Variants in COPA observed in about 807,000 individuals in gnomAD.
COPA encodes the protein coat protein complex I subunit alpha, also known as coatomer subunit alpha.
A neutral mutation model predicts 158.7 loss-of-function variants in COPA; 10 were observed. The ratio of observed to expected loss-of-function variants is 0.06; its 90% CI spans 0.04 to 0.11. The LOEUF is 0.11. Among genes scored for constraint, COPA ranks in the 10% least tolerant of loss-of-function variants. The pLI is 1.00. For missense variants in COPA, 1,065 were observed against 1,536.7 expected (o/e 0.69, Z 5.13); for synonymous variants, 462 against 542.8 (o/e 0.85, Z 2.07).
At chr1:160,300,189 AATT>A (rs1033466376) in intron 17 of COPA, among the ~76,000 whole-genome samples, 4 of 151,836 alleles carry the variant, frequency 2.6e-5, no homozygotes, top group African/African-American at 9.7e-5. Flanking sequence ...AAAATACAAA[AATT>A]AGCCAGGAGT....
At chr1:160,332,015 A>G (rs1222735713) in intron 6 of COPA, among the ~76,000 whole-genome samples, 5 of 152,154 alleles carry the variant, frequency 3.3e-5, no homozygotes, top group African/African-American at 1.2e-4. Flanking sequence ...TGCTCCCCGC[A>G]CTAGAAGAAA....
Position 160,313,981 on chromosome 1 carries a change from C to A in COPA, c.842+9G>T. The A allele has an allele frequency of 6.2e-7, 1 of 1,604,050 alleles. No homozygotes were observed. Among genetic ancestry groups the A allele is most frequent in the Non-Finnish European group, 8.5e-7 (1 of 1,175,572 alleles). ...GAGAAAGTTCACACAACACTGAGGA[C>A]TACCTTACCGCTTAGACATATCCCA... On this transcript the variant is annotated intron_variant, in intron 9 of 32. Coordinates refer to ENST00000241704, the MANE Select transcript of COPA (RefSeq NM_004371.4).
At chr1:160,291,534 C>G in intron 30 of COPA, 38 bp from the exon 31 acceptor site, 1 of 1,600,646 alleles carries the variant, frequency 6.2e-7, no homozygotes, top group Non-Finnish European at 8.5e-7. Context: ...CAGGTTGATG[C>G]TACACCTGGT....
intron 21 of COPA, among the ~76,000 whole-genome samples, chr1:160,296,498 A>G (rs541247978): frequency 6.6e-6 from 1 of 152,330 alleles, no homozygotes; most frequent in African/African-American, 2.4e-5. Flanking sequence ...AACAGGGAGC[A>G]AGGACATGGG....
At chr1:160,325,373 TCATTTCTCTGTTGGTTCACGCA>T (rs1009915727) in intron 7 of COPA, among the ~76,000 whole-genome samples, 148 bp downstream of exon 7, 1 of 152,208 alleles carries the variant, frequency 6.6e-6, no homozygotes, top group African/African-American at 2.4e-5. Flanking sequence ...CACATAAGCT[TCATTTCTCTGTTGGTTCACGCA>T]CAATTTGATT....
At chr1:160,334,872 C>G (rs1647690651) in intron 4 of COPA, among the ~76,000 whole-genome samples, 1 of 152,176 alleles carries the variant, frequency 6.6e-6, no homozygotes, top group Non-Finnish European at 1.5e-5. Flanking sequence ...GTTAGCTGAT[C>G]AAAATGGCAT....
chr1:160,311,055 T>C (rs1461964617), intron 11 of COPA, among the ~76,000 whole-genome samples: 1 of 152,174 alleles, frequency 6.6e-6, no homozygotes, highest in African/African-American at 2.4e-5. Flanking sequence ...GACCACTTCC[T>C]TGCCTCCCTC....
chr1:160,319,265 C>G (rs1400378748), intron 8 of COPA, among the ~76,000 whole-genome samples: 1 of 151,734 alleles, frequency 6.6e-6, no homozygotes, highest in Non-Finnish European at 1.5e-5. Flanking sequence ...GACTACCAAA[C>G]CTAAGATTGT....
Position 160,290,328 on chromosome 1 carries a change from A to G in COPA, c.3616-112T>C, listed in dbSNP as rs558169833. 2.9e-6 allele frequency: 4 copies of G among 1,402,740 alleles called. No homozygotes were observed. In the South Asian group the frequency reaches 3.8e-5, roughly 13 times the overall value. The allele number at this position is 1,402,740 out of a possible 1,614,324, so 86.9% of individuals were successfully genotyped here. A position where few individuals can be genotyped will look rare whatever the true frequency, so the allele number is the denominator to read the frequency against. On this transcript the variant is annotated intron_variant, in intron 32 of 32. Transcript: ENST00000241704. ...ACAGTAGACAGGTATTGGGGTGTTCATCACTGACTGGCCAAGAGCAGTGGG... is the reference window on the plus strand; with the variant it reads ...ACAGTAGACAGGTATTGGGGTGTTCGTCACTGACTGGCCAAGAGCAGTGGG...
chr1:160,343,017 C>A lies in COPA; in HGVS notation c.40+114G>T, dbSNP rs551468101. The A allele has an allele frequency of 8.0e-5, 102 of 1,274,586 alleles. No homozygotes were observed. The East Asian group carries it at 2.3e-3, about 29-fold the overall frequency. The allele number at this position is 1,274,586 out of a possible 1,614,324, so 79.0% of individuals were successfully genotyped here. A position where few individuals can be genotyped will look rare whatever the true frequency, so the allele number is the denominator to read the frequency against. ...CTCTCTCCCACCCTCCGTCTTCCTC[C>A]GGGTCCGTCTGGTGGGCCCATTTCG... On this transcript the variant is annotated intron_variant, in intron 1 of 32. Transcript: ENST00000241704.
At chr1:160,334,430 T>C (rs1359779100) in intron 4 of COPA, among the ~76,000 whole-genome samples, 7 of 152,328 alleles carry the variant, frequency 4.6e-5, no homozygotes, top group Admixed American at 2.6e-4. Flanking sequence ...CAGGAAGTCC[T>C]TTATGGCAAT....
intron 24 of COPA, 71 bp from the exon 25 acceptor site, chr1:160,294,664 A>G: frequency 2.5e-6 from 4 of 1,599,880 alleles, no homozygotes; most frequent in Non-Finnish European, 3.4e-6. Context: ...AGTAAAATCA[A>G]TCCTAGTTCG....
chr1:160,336,424 G>A (rs775731369), intron 3 of COPA, among the ~76,000 whole-genome samples: 1 of 151,912 alleles, frequency 6.6e-6, no homozygotes, highest in African/African-American at 2.4e-5. Context: ...CTAACTTGAT[G>A]GCAAACAACG....
intron 13 of COPA, 30 bp downstream of exon 13, chr1:160,309,071 C>G: frequency 6.4e-7 from 1 of 1,570,032 alleles, no homozygotes; most frequent in African/African-American, 1.4e-5. Context: ...GAGCTGGAAG[C>G]AGAGTGGGGT....
At position 160,291,507 on chromosome 1, in the gene COPA, G is replaced by C. The variant is rs751956210; in HGVS notation, c.3259-11C>G. The stretch of plus-strand genomic sequence containing the variant: ...GAAATAGGCTGCCATCTGGTGGACA[G>C]AAAAAGGAACACATGCCAGGTTGAT... On this transcript the variant is annotated splice_polypyrimidine_tract_variant and intron_variant, in intron 30 of 32. Transcript: ENST00000241704. 2.5e-6 allele frequency: 4 copies of C among 1,610,578 alleles called. No individual in the cohort carries two copies. The highest frequency in any genetic ancestry group is 3.4e-6 in the Non-Finnish European group (4 of 1,177,582).
chr1:160,311,478 G>A (rs546283823), intron 11 of COPA, among the ~76,000 whole-genome samples: 7 of 151,738 alleles, frequency 4.6e-5, no homozygotes, highest in South Asian at 4.2e-4. Context: ...GGCTGGGCGC[G>A]GTGGCTCACG....
chr1:160,317,381 C>A, intron 8 of COPA: 1 of 1,601,068 alleles, frequency 6.2e-7, no homozygotes, highest in Admixed American at 1.7e-5. Flanking sequence ...CGGAGACCCC[C>A]GGGTGAAGCC....
Position 160,291,595 on chromosome 1 carries a change from A to C in COPA, c.3259-99T>G, listed in dbSNP as rs974758547. 5.7e-6 allele frequency: 8 copies of C among 1,410,436 alleles called. No homozygotes were observed. The Admixed American group carries it at 1.6e-4, about 28-fold the overall frequency. 87.4% of individuals were successfully genotyped at this position (1,410,436 alleles called of 1,614,324 possible). A position where few individuals can be genotyped will look rare whatever the true frequency, so the allele number is the denominator to read the frequency against. On this transcript the variant is annotated intron_variant, in intron 30 of 32. Transcript: ENST00000241704. The stretch of plus-strand genomic sequence containing the variant: ...ATGCATAAAAAACACAACACAAAAT[A>C]GGATGATGGGCTATAAAGCTGAGAG...
Position 160,289,415 on chromosome 1 carries a change from T to C in COPA, c.*742A>G, listed in dbSNP as rs1658145044. On this transcript the variant is annotated 3_prime_UTR_variant, in exon 33 of 33. Coordinates refer to ENST00000241704, the MANE Select transcript of COPA (RefSeq NM_004371.4). ...CTGAGTACACAGAGGGTACCTGCCTTGAAATTTAAATGTCTAAGGAAAATG... is the reference window on the plus strand; with the variant it reads ...CTGAGTACACAGAGGGTACCTGCCTCGAAATTTAAATGTCTAAGGAAAATG... 1 of 152,140 alleles carries C rather than the reference T, an allele frequency of 6.6e-6. No homozygotes were observed. Among genetic ancestry groups the C allele is most frequent in the Non-Finnish European group, 1.5e-5 (1 of 68,042 alleles). The allele number at this position is 152,140 out of a possible 1,614,324, so 9.4% of individuals were successfully genotyped here. A position where few individuals can be genotyped will look rare whatever the true frequency, so the allele number is the denominator to read the frequency against.
Sources: allele counts gnomAD v4.1 joint callset (sites outside exome capture counted in the v4.1 genomes callset), GRCh38; gene constraint gnomAD v4.1.1; transcripts MANE v1.5; gene names NCBI Gene and HGNC (gene_info 2026-07-23, HGNC 2026-07-21).